The following CACNB2 variants were observed in gnomAD, a reference collection of about 807,000 sequenced individuals.
CACNB2 encodes the protein voltage-dependent L-type calcium channel subunit beta-2.
In CACNB2, 42 loss-of-function variants were observed where a neutral mutation model predicts 73.3. The ratio of observed to expected loss-of-function variants is 0.57; its 90% CI spans 0.45 to 0.74. The LOEUF (loss-of-function observed/expected upper bound fraction) is 0.74. Ranked by LOEUF, CACNB2 falls within the 30% of genes least tolerant of loss-of-function variation. The pLI, the probability that CACNB2 is intolerant of heterozygous loss-of-function variation, is 0.00. For missense variants in CACNB2, 940 were observed against 853.0 expected (o/e 1.10, Z -1.27); for synonymous variants, 348 against 310.3 (o/e 1.12, Z -1.28).
At chr10:18,531,796 C>A (rs2053057726) in intron 10 of CACNB2, 1 of 152,010 alleles carries the variant, frequency 6.6e-6, no homozygotes, top group Non-Finnish European at 1.5e-5. Context: ...TAAGAGGAAA[C>A]ATTGTTCCTG....
intron 2 of CACNB2, among the ~76,000 whole-genome samples, chr10:18,282,783 T>C (rs975106032): frequency 6.6e-6 from 1 of 152,112 alleles, no homozygotes; most frequent in African/African-American, 2.4e-5. Context: ...AGACAGTCCC[T>C]AGACTGGGTA....
chr10:18,347,572 C>G (rs1433699648), intron 2 of CACNB2, among the ~76,000 whole-genome samples: 1 of 150,578 alleles, frequency 6.6e-6, no homozygotes, highest in South Asian at 2.1e-4. Flanking sequence ...TTTTTTCCCC[C>G]TATACAATGA....
intron 2 of CACNB2, among the ~76,000 whole-genome samples, chr10:18,247,331 A>G (rs1299233993): frequency 1.3e-5 from 2 of 152,144 alleles, no homozygotes; most frequent in Non-Finnish European, 2.9e-5. Flanking sequence ...ATCCCTCAGG[A>G]TCTTCTTCTT....
intron 3 of CACNB2, among the ~76,000 whole-genome samples, chr10:18,406,910 T>C (rs1050547810): frequency 4.6e-5 from 7 of 152,086 alleles, no homozygotes; most frequent in Admixed American, 1.3e-4. Flanking sequence ...GAATACAGTG[T>C]ATGCGACGGT....
intron 2 of CACNB2, among the ~76,000 whole-genome samples, chr10:18,386,442 G>A (rs375196194): frequency 9.9e-5 from 12 of 120,910 alleles, no homozygotes; most frequent in East Asian, 2.8e-4. Context: ...TCACTCTGTC[G>A]CCCAGGCTGG....
intron 2 of CACNB2, among the ~76,000 whole-genome samples, chr10:18,185,738 G>A (rs942603656): frequency 3.9e-5 from 6 of 152,142 alleles, no homozygotes; most frequent in African/African-American, 1.4e-4. Flanking sequence ...CATTTGCGTA[G>A]CTTTCTTTGC....
At chr10:18,141,974 GAC>G (rs1027527948) in intron 1 of CACNB2, among the ~76,000 whole-genome samples, 77 of 152,222 alleles carry the variant, frequency 5.1e-4, no homozygotes, top group African/African-American at 1.9e-3. Context: ...TTAATACGTA[GAC>G]ACACATACAC....
intron 2 of CACNB2, among the ~76,000 whole-genome samples, chr10:18,316,956 G>C (rs1451957571): frequency 1.3e-5 from 2 of 152,128 alleles, no homozygotes; most frequent in African/African-American, 4.8e-5. Context: ...TCTTAGGAGA[G>C]TGGAGAAGAG....
intron 2 of CACNB2, chr10:18,256,448 A>ATG (rs1236086749): frequency 6.6e-6 from 1 of 152,192 alleles, no homozygotes; most frequent in Non-Finnish European, 1.5e-5. Context: ...GTAATTCTGC[A>ATG]TGTACTGCCA....
chr10:18,519,734 A>G (rs1564645519), intron 9 of CACNB2: 1 of 456,186 alleles, frequency 2.2e-6, no homozygotes, highest in Non-Finnish European at 4.4e-6. Context: ...CCTTGAAAGA[A>G]TTGAGTGTAC....
rs147930410 is a variant in CACNB2 at position 18,324,396 on chromosome 10, A to G, written c.214-77528A>G. ...AAAGAGGGAGGCCATTTCAGAATGC[A>G]GAAGTTTTGGTAGCCTTGCCAGTCG... On this transcript the variant is annotated intron_variant, in intron 2 of 13. Coordinates refer to ENST00000324631, the MANE Select transcript of CACNB2 (RefSeq NM_201596.3). Among the ~76,000 whole-genome samples, 493 of 152,364 alleles carry G rather than the reference A, an allele frequency of 3.2e-3. 2 individuals are homozygous for G. The highest frequency in any genetic ancestry group is 0.011 in the African/African-American group (460 of 41,590).
intron 2 of CACNB2, among the ~76,000 whole-genome samples, chr10:18,154,898 C>A (rs2031918277): frequency 6.6e-6 from 1 of 152,220 alleles, no homozygotes. Flanking sequence ...AGCAACCCTG[C>A]TGACACCTTG....
intron 2 of CACNB2, chr10:18,261,299 G>A: frequency 6.4e-7 from 1 of 1,551,536 alleles, no homozygotes. Flanking sequence ...TGCATCGCCG[G>A]CGAGTACGGG....
intron 2 of CACNB2, chr10:18,340,860 C>T (rs1249578489): frequency 1.9e-6 from 3 of 1,613,814 alleles, no homozygotes; most frequent in East Asian, 2.2e-5. Context: ...TTTAGCTAGT[C>T]CTGAATTCTT....
intron 2 of CACNB2, among the ~76,000 whole-genome samples, chr10:18,381,811 A>T (rs2043031354): frequency 6.6e-6 from 1 of 152,058 alleles, no homozygotes; most frequent in Admixed American, 6.5e-5. Flanking sequence ...CTGTACCCAC[A>T]GAAACAGGTC....
At chr10:18,443,048 TAACTA>T (rs1306518987) in intron 3 of CACNB2, among the ~76,000 whole-genome samples, 5 of 140,586 alleles carry the variant, frequency 3.6e-5, no homozygotes, top group African/African-American at 1.3e-4. Flanking sequence ...ATAAGGAACT[TAACTA>T]TACATAATTT....
rs145332690 is a variant in CACNB2 at position 18,244,699 on chromosome 10, T to C, written c.213+93724T>C. 2.7e-3 allele frequency among the ~76,000 whole-genome samples: 414 copies of C among 152,336 alleles called. 6 individuals are homozygous for C. In the East Asian group the frequency reaches 0.031, roughly 11 times the overall value. ...GCTCCCTACCAAGCACACACAGATG[T>C]GGGGCACTAGAGTAGGCTGAGTAAT... On this transcript the variant is annotated intron_variant, in intron 2 of 13. Coordinates refer to ENST00000324631, the MANE Select transcript of CACNB2 (RefSeq NM_201596.3).
rs1564681476 is a variant in CACNB2, at chr10:18,540,159, C to T, written c.*435C>T. 2 of 193,976 alleles carry T rather than the reference C, an allele frequency of 1.0e-5. No individual in the cohort carries two copies. Among genetic ancestry groups the T allele is most frequent in the South Asian group, 1.9e-4 (2 of 10,790 alleles). The allele number at this position is 193,976 out of a possible 1,614,324, so 12.0% of individuals were successfully genotyped here. A position where few individuals can be genotyped will look rare whatever the true frequency, so the allele number is the denominator to read the frequency against. On this transcript the variant is annotated 3_prime_UTR_variant, in exon 14 of 14. Transcript: ENST00000324631. ...TCTGATTTGCATATTCATTCATGGA[C>T]CACTGTTTCTTGCTTGTACCTCTGG...
chr10:18,460,887 CAA>C (rs5783603), intron 3 of CACNB2, among the ~76,000 whole-genome samples: 5,928 of 140,460 alleles, frequency 0.042, 348 homozygotes, highest in African/African-American at 0.13. Context: ...AAGATCTTTC[CAA>C]AAAAAAAAAA....
Sources: gnomAD v4.1 joint callset for allele counts (sites outside exome capture counted in the v4.1 genomes callset) on GRCh38, gnomAD v4.1.1 for gene constraint, MANE v1.5 for transcripts, NCBI Gene and HGNC (gene_info 2026-07-23, HGNC 2026-07-21) for gene names.